Variants in PRDM1 observed in about 807,000 individuals in gnomAD.
The protein encoded by PRDM1 is PR domain zinc finger protein 1.
Under a neutral mutation model 62.8 loss-of-function variants are expected in PRDM1, and 13 were observed. That is an observed-to-expected ratio of 0.21 (90% confidence interval 0.13 to 0.33). The LOEUF (loss-of-function observed/expected upper bound fraction) is 0.33. Ranked by LOEUF, PRDM1 falls within the 10% of genes least tolerant of loss-of-function variation. The probability of loss-of-function intolerance (pLI) is 1.00; values close to 1 mark genes in which losing one functional copy is unlikely to be tolerated. For synonymous variants in PRDM1, 396 were observed against 417.6 expected, an observed-to-expected ratio of 0.95 and a Z score of 0.63; for missense variants, 895 against 1,058.8, an observed-to-expected ratio of 0.85 and a Z score of 2.15.
At chr6:106,034,625 T>C (rs2114570170) in intron 1 of PRDM1, among the ~76,000 whole-genome samples, 1 of 109,542 alleles carries the variant, frequency 9.1e-6, no homozygotes, top group Middle Eastern at 4.2e-3. Context: ...CAGTCTTTCA[T>C]GTTCTCTCTC....
chr6:106,027,197 G>A (rs1772776558), intron 1 of PRDM1, among the ~76,000 whole-genome samples: 1 of 152,212 alleles, frequency 6.6e-6, no homozygotes, highest in South Asian at 2.1e-4. Flanking sequence ...CGGGGGAGGG[G>A]CAAGACATTA....
intron 1 of PRDM1, among the ~76,000 whole-genome samples, chr6:106,016,835 G>A (rs1424611159): frequency 6.6e-6 from 1 of 151,982 alleles, no homozygotes; most frequent in Non-Finnish European, 1.5e-5. Flanking sequence ...TGTATTTTTA[G>A]TAGAGACGGG....
chr6:106,013,469 A>G (rs1772582187), intron 1 of PRDM1, among the ~76,000 whole-genome samples: 1 of 151,620 alleles, frequency 6.6e-6, no homozygotes, highest in African/African-American at 2.4e-5. Context: ...CTCGGATTAC[A>G]GGTGTGTGCC....
chr6:106,082,851 T>A (rs982553053), upstream of PRDM1, among the ~76,000 whole-genome samples: 3 of 152,186 alleles, frequency 2.0e-5, no homozygotes, highest in Non-Finnish European at 4.4e-5. Context: ...GTGCTATTTT[T>A]AAATTGATTC....
intron 1 of PRDM1, among the ~76,000 whole-genome samples, chr6:106,055,090 T>G (rs1007222477): frequency 2.0e-5 from 3 of 152,346 alleles, no homozygotes; most frequent in East Asian, 3.9e-4. Flanking sequence ...GACTTCTCAG[T>G]GTGGCCTGTC....
At chr6:106,002,798 G>A (rs140460493) in intron 1 of PRDM1, among the ~76,000 whole-genome samples, 2,135 of 152,188 alleles carry the variant, frequency 0.014, 51 homozygotes, top group African/African-American at 0.048. Context: ...TAGAGAGTGT[G>A]GTTGCTCGTT....
rs1315529294 is a variant in PRDM1, at chr6:106,106,506, A to G, written c.1902+7A>G. The G allele has an allele frequency of 3.1e-6, 5 of 1,613,980 alleles. No individual in the cohort carries two copies. In the African/African-American group the frequency reaches 4.0e-5, roughly 13 times the overall value. On this transcript the variant is annotated splice_region_variant and intron_variant, in intron 6 of 6. Coordinates refer to ENST00000369096, the MANE Select transcript of PRDM1 (RefSeq NM_001198.4). This position sits in a 1 kb window ranked among gnomAD's most constrained non-coding sequence, Gnocchi z 4.4. ...AAAGCCACATGAATGCCAGGTGCGC[A>G]GTATTTTCTGGGTAGACCTTCTGAC...
intron 1 of PRDM1, among the ~76,000 whole-genome samples, chr6:106,002,805 C>T (rs1317158538): frequency 2.6e-5 from 4 of 152,052 alleles, no homozygotes; most frequent in Admixed American, 6.6e-5. Flanking sequence ...TGTGGTTGCT[C>T]GTTCAAGGTC....
chr6:106,053,376 T>A (rs1178383510), intron 1 of PRDM1, among the ~76,000 whole-genome samples: 1 of 152,206 alleles, frequency 6.6e-6, no homozygotes, highest in Admixed American at 6.5e-5. Context: ...ACCAGAAATG[T>A]TGTCATAAGT....
chr6:106,086,417 C>T lies in PRDM1; in HGVS notation c.-137C>T. 1.4e-6 allele frequency: 1 copy of T among 709,416 alleles called. No homozygotes were observed. Among genetic ancestry groups the T allele is most frequent in the African/African-American group, 1.8e-5 (1 of 54,422 alleles). 43.9% of individuals were successfully genotyped at this position (709,416 alleles called of 1,614,324 possible). ...AGCAGCGACCGCGGCACCTGTCCGC[C>T]CGGAGCTGGGACGCGGGCGCCCGGG... is the stretch of plus-strand genomic sequence containing the variant. On this transcript the variant is annotated 5_prime_UTR_variant, in exon 1 of 7. Transcript: ENST00000369096.
At position 106,105,077 on chromosome 6, in the gene PRDM1, CAGA is replaced by C. The variant is rs1774416017; in HGVS notation, c.921_923del (p.Glu307del). On this transcript the variant is annotated inframe_deletion, in exon 5 of 7. Transcript: ENST00000369096. ...GTTTACCCCATCCGGGCCCCTCTGC[CAGA>C]AGACTTTTTGAAAGCTTCCCTGGCC... 1 of 1,614,024 alleles carries C rather than the reference CAGA, an allele frequency of 6.2e-7. No homozygotes were observed.
intron 1 of PRDM1, among the ~76,000 whole-genome samples, chr6:106,051,327 C>T (rs1773170753): frequency 6.6e-6 from 1 of 152,222 alleles, no homozygotes; most frequent in African/African-American, 2.4e-5. Flanking sequence ...GTCTTCTGCC[C>T]CCGCAGACCC....
intron 3 of PRDM1, chr6:106,098,243 T>TA: frequency 1.2e-5 from 12 of 985,198 alleles, no homozygotes; most frequent in Non-Finnish European, 1.4e-5. Context: ...GGAAATTTCT[T>TA]AAAGTCTAAA....
At chr6:106,075,447 A>T (rs1437019144) in intron 1 of PRDM1, among the ~76,000 whole-genome samples, 1 of 152,228 alleles carries the variant, frequency 6.6e-6, no homozygotes, top group Non-Finnish European at 1.5e-5. Context: ...GAACATTAAT[A>T]TGCAGCAACA....
At chr6:106,071,237 T>C (rs1759747513) in intron 1 of PRDM1, among the ~76,000 whole-genome samples, 1 of 151,780 alleles carries the variant, frequency 6.6e-6, no homozygotes, top group African/African-American at 2.4e-5. Flanking sequence ...CACACCACTG[T>C]ACTCCAGCCA....
At chr6:106,081,593 G>A (rs550109094), upstream of PRDM1, among the ~76,000 whole-genome samples, 10 of 152,340 alleles carry the variant, frequency 6.6e-5, no homozygotes, top group South Asian at 2.1e-3. Flanking sequence ...CTTTGGAGCA[G>A]AATGGGAGTT....
In PRDM1 at chr6:106,109,487, G is replaced by A. The variant is rs915959218; in HGVS notation, c.*2001G>A. 85 of 233,342 alleles carry A rather than the reference G, an allele frequency of 3.6e-4. No individual in the cohort carries two copies. The highest frequency in any genetic ancestry group is 1.8e-3 in the African/African-American group (81 of 45,282). 14.5% of individuals were successfully genotyped at this position (233,342 alleles called of 1,614,324 possible). A position where few individuals can be genotyped will look rare whatever the true frequency, so the allele number is the denominator to read the frequency against. On this transcript the variant is annotated 3_prime_UTR_variant, in exon 7 of 7. Transcript: ENST00000369096. ...TCACCTGTAGAAGAGAACAAATTTC[G>A]AATAATCCAGGGAAACCCAAGAGCC...
chr6:106,071,100 G>C lies in PRDM1; in HGVS notation c.-66-17101G>C, dbSNP rs551839628. ...AGCCTGGCCAACATGGTGAAACCCTGTCTCTACTAAAAATACAAAAAATTA... is the reference window on the plus strand; with the variant it reads ...AGCCTGGCCAACATGGTGAAACCCTCTCTCTACTAAAAATACAAAAAATTA... On this transcript the variant is annotated intron_variant, in intron 1 of 6. Coordinates refer to the PRDM1 transcript ENST00000651185. 3.9e-5 allele frequency among the ~76,000 whole-genome samples: 6 copies of C among 152,210 alleles called. No individual in the cohort carries two copies. The East Asian group carries it at 1.2e-3, about 29-fold the overall frequency.
At chr6:106,039,936 G>C (rs953102273) in intron 1 of PRDM1, among the ~76,000 whole-genome samples, 1 of 152,242 alleles carries the variant, frequency 6.6e-6, no homozygotes. Flanking sequence ...AGGTTTGCCA[G>C]TGATATTTTT....
Sources: gnomAD v4.1 joint callset for allele counts (sites outside exome capture counted in the v4.1 genomes callset) on GRCh38, gnomAD v4.1.1 for gene constraint, Gnocchi (gnomAD v3.1) non-coding constraint, MANE v1.5 for transcripts, NCBI Gene and HGNC (gene_info 2026-07-23, HGNC 2026-07-21) for gene names.